Variants in EFCAB6 observed in about 807,000 individuals in gnomAD.
The protein encoded by EFCAB6 is EF-hand calcium-binding domain-containing protein 6.
EFCAB6 carries 156 observed loss-of-function variants against 169.8 expected under a neutral mutation model. The observed-to-expected ratio is 0.92, with a 90% CI of 0.81 to 1.05. The LOEUF is 1.05. EFCAB6 is among the 50% of genes least tolerant of loss of function. The pLI, the probability that EFCAB6 is intolerant of heterozygous loss-of-function variation, is 0.00. For synonymous variants in EFCAB6, 698 were observed against 676.4 expected (o/e 1.03, Z -0.50); for missense variants, 1,800 against 1,829.1 (o/e 0.98, Z 0.29).
At chr22:43,682,885 G>A (rs141799871) in intron 12 of EFCAB6, among the ~76,000 whole-genome samples, 8 of 152,282 alleles carry the variant, frequency 5.3e-5, no homozygotes, top group South Asian at 2.1e-4. Context: ...CACTGTGCTC[G>A]GAAATCCCAT....
chr22:43,529,055 G>T (rs1159796389), intron 31 of EFCAB6, 80 bp from the exon 32 acceptor site: 22 of 1,452,022 alleles, frequency 1.5e-5, no homozygotes, highest in Non-Finnish European at 1.9e-5. Flanking sequence ...AAGGGGCTGG[G>T]GGACACATCC....
At chr22:43,753,233 G>A (rs1309990673) in intron 6 of EFCAB6, among the ~76,000 whole-genome samples, 1 of 152,204 alleles carries the variant, frequency 6.6e-6, no homozygotes, top group Non-Finnish European at 1.5e-5. Context: ...AAACTCAACA[G>A]CCAGTCCAGG....
At chr22:43,548,435 G>T (rs893114869) in intron 27 of EFCAB6, among the ~76,000 whole-genome samples, 1 of 149,786 alleles carries the variant, frequency 6.7e-6, no homozygotes, top group Admixed American at 6.7e-5. Flanking sequence ...AGCTACTTGG[G>T]AGGCTGAGGC....
chr22:43,675,743 T>C (rs2057728267), intron 13 of EFCAB6, among the ~76,000 whole-genome samples: 1 of 147,838 alleles, frequency 6.8e-6, no homozygotes, highest in Admixed American at 6.8e-5. Context: ...TTAATTAATG[T>C]AATTGTAAAA....
chr22:43,809,201 T>C (rs1052582321), intron 1 of EFCAB6, 70 bp from the exon 2 acceptor site: 1 of 152,030 alleles, frequency 6.6e-6, no homozygotes, highest in Non-Finnish European at 1.5e-5. Flanking sequence ...CTTATTTCCC[T>C]GGAAAAAAAA....
At chr22:43,683,884 A>G (rs1216887358) in intron 11 of EFCAB6, 29 bp from the exon 12 acceptor site, 1 of 1,523,988 alleles carries the variant, frequency 6.6e-7, no homozygotes, top group East Asian at 2.2e-5. Flanking sequence ...AAAAGCAGGA[A>G]TAAGATTATG....
chr22:43,732,466 T>TA (rs1491535509), intron 7 of EFCAB6, among the ~76,000 whole-genome samples: 2 of 13,792 alleles, frequency 1.5e-4, no homozygotes, highest in Admixed American at 1.8e-3. Context: ...ACTGAAATAC[T>TA]TTTTTTTTTT....
In EFCAB6 at chr22:43,537,656, A is replaced by G; in HGVS notation, c.3880-111T>C. 1.6e-6 allele frequency: 2 copies of G among 1,234,058 alleles called. No individual in the cohort carries two copies. The highest frequency in any genetic ancestry group is 2.2e-6 in the Non-Finnish European group (2 of 912,994). 76.4% of individuals were successfully genotyped at this position (1,234,058 alleles called of 1,614,324 possible). On this transcript the variant is annotated intron_variant, in intron 28 of 31. Coordinates refer to ENST00000262726, the MANE Select transcript of EFCAB6 (RefSeq NM_022785.4). The surrounding 1 kb of genome is among the most constrained non-coding windows in gnomAD (Gnocchi z 4.3). ...GGTTCACAATTTTAGAGGCAGAATTAGCCCAGAAATAAAATGAAGAATAAA... is the reference window on the plus strand; with the variant it reads ...GGTTCACAATTTTAGAGGCAGAATTGGCCCAGAAATAAAATGAAGAATAAA...
At chr22:43,654,946 T>C (rs960709530) in intron 17 of EFCAB6, among the ~76,000 whole-genome samples, 1 of 148,298 alleles carries the variant, frequency 6.7e-6, no homozygotes, top group Admixed American at 6.7e-5. Context: ...TATGAAATAA[T>C]AATGCCTGTG....
At chr22:43,783,134 T>C (rs1569486304) in intron 2 of EFCAB6, among the ~76,000 whole-genome samples, 1 of 152,174 alleles carries the variant, frequency 6.6e-6, no homozygotes, top group Non-Finnish European at 1.5e-5. Flanking sequence ...CTGTCTTTAT[T>C]TGAACTCAGA....
Position 43,570,883 on chromosome 22 carries a change from C to A in EFCAB6, c.3420+5414G>T, listed in dbSNP as rs141012000. On this transcript the variant is annotated intron_variant, in intron 26 of 31. Transcript: ENST00000262726. ...AAGAGGATGAGCCCCAGGCCTTCTG[C>A]ACAGCAAGACCCCTGGACTCCCCCA... 1.6e-3 allele frequency among the ~76,000 whole-genome samples: 249 copies of A among 152,356 alleles called. 1 individual carries two copies. The highest frequency in any genetic ancestry group is 5.9e-3 in the African/African-American group (247 of 41,590).
intron 17 of EFCAB6, among the ~76,000 whole-genome samples, chr22:43,646,342 G>A (rs1479940897): frequency 6.6e-6 from 1 of 152,172 alleles, no homozygotes; most frequent in African/African-American, 2.4e-5. Flanking sequence ...TGTAAGTCCA[G>A]TTATGATCCC....
chr22:43,610,708 C>T (rs2053241488), intron 21 of EFCAB6, among the ~76,000 whole-genome samples: 1 of 152,050 alleles, frequency 6.6e-6, no homozygotes, highest in African/African-American at 2.4e-5. Flanking sequence ...ATTTTATATA[C>T]TTCATTGTAG....
chr22:43,789,436 T>C (rs2062194316), intron 2 of EFCAB6, among the ~76,000 whole-genome samples: 1 of 152,112 alleles, frequency 6.6e-6, no homozygotes, highest in Non-Finnish European at 1.5e-5. Context: ...TCTAAGGCAA[T>C]ATGTTTACTT....
chr22:43,585,446 G>C (rs922745711), intron 24 of EFCAB6, among the ~76,000 whole-genome samples: 1 of 152,096 alleles, frequency 6.6e-6, no homozygotes, highest in Non-Finnish European at 1.5e-5. Context: ...AACGGGGAGA[G>C]GGTGGATAGG....
intron 6 of EFCAB6, among the ~76,000 whole-genome samples, chr22:43,747,554 A>G (rs1158636702): frequency 6.6e-6 from 1 of 152,104 alleles, no homozygotes; most frequent in Non-Finnish European, 1.5e-5. Context: ...TTTGGGGAGG[A>G]AGACTGTTAG....
At chr22:43,689,608 C>T (rs923535100) in intron 10 of EFCAB6, among the ~76,000 whole-genome samples, 1 of 152,224 alleles carries the variant, frequency 6.6e-6, no homozygotes, top group Non-Finnish European at 1.5e-5. Flanking sequence ...AACACAGCTT[C>T]AAGCTCATGG....
At chr22:43,728,074 C>A (rs1261458847) in intron 8 of EFCAB6, among the ~76,000 whole-genome samples, 2 of 152,038 alleles carry the variant, frequency 1.3e-5, no homozygotes, top group African/African-American at 4.8e-5. Flanking sequence ...TGCCCCCACC[C>A]CATGACAGGC....
At chr22:43,605,926 A>G (rs1276095392) in intron 22 of EFCAB6, among the ~76,000 whole-genome samples, 5 of 152,216 alleles carry the variant, frequency 3.3e-5, no homozygotes. Flanking sequence ...AAGTGAAATA[A>G]AAATGATAGG....
Sources: allele counts gnomAD v4.1 joint callset (sites outside exome capture counted in the v4.1 genomes callset), GRCh38; gene constraint gnomAD v4.1.1; non-coding constraint Gnocchi (gnomAD v3.1); transcripts MANE v1.5; gene names NCBI Gene and HGNC (gene_info 2026-07-23, HGNC 2026-07-21).